FGF12: variants seen among roughly 807,000 people sequenced by gnomAD.
FGF12 encodes the protein fibroblast growth factor 12B.
FGF12 carries 14 observed loss-of-function variants against 23.6 expected under a neutral mutation model. The observed-to-expected ratio is 0.59, with a 90% CI of 0.39 to 0.93. FGF12 has a LOEUF of 0.93. FGF12 is among the 40% of genes least tolerant of loss of function. FGF12 has a pLI of 0.00. For synonymous variants in FGF12, 62 were observed against 77.3 expected (o/e 0.80, Z 1.04); for missense variants, 175 against 217.8 (o/e 0.80, Z 1.24).
chr3:192,364,083 T>G (rs150904236), intron 2 of FGF12, among the ~76,000 whole-genome samples: 2 of 152,064 alleles, frequency 1.3e-5, no homozygotes, highest in Non-Finnish European at 2.9e-5. Flanking sequence ...AAAGAATGAG[T>G]AGGATTGCCA....
At chr3:192,583,978 T>G (rs748449035) in intron 2 of FGF12, among the ~76,000 whole-genome samples, 1 of 152,176 alleles carries the variant, frequency 6.6e-6, no homozygotes, top group Non-Finnish European at 1.5e-5. Flanking sequence ...TAATCTTCTT[T>G]AGAAATACAT....
At chr3:192,184,145 G>A (rs1560183081) in intron 4 of FGF12, among the ~76,000 whole-genome samples, 1 of 152,088 alleles carries the variant, frequency 6.6e-6, no homozygotes, top group Non-Finnish European at 1.5e-5. Context: ...GATAGCTTGG[G>A]CCTGGGAGGC....
At chr3:192,273,975 C>G (rs762769236) in intron 4 of FGF12, among the ~76,000 whole-genome samples, 4 of 151,686 alleles carry the variant, frequency 2.6e-5, no homozygotes, top group Non-Finnish European at 4.4e-5. Context: ...TGACTGATCA[C>G]CATCAGCCAG....
At chr3:192,287,906 T>C (rs571766869) in intron 4 of FGF12, among the ~76,000 whole-genome samples, 1 of 152,164 alleles carries the variant, frequency 6.6e-6, no homozygotes, top group Non-Finnish European at 1.5e-5. Context: ...AGACAAAAGA[T>C]ACTTCTTTAA....
At chr3:192,195,776 A>G (rs1717037867) in intron 4 of FGF12, among the ~76,000 whole-genome samples, 1 of 152,186 alleles carries the variant, frequency 6.6e-6, no homozygotes, top group Non-Finnish European at 1.5e-5. Context: ...GTGTATACAC[A>G]CACACACGCA....
chr3:192,474,854 T>C (rs780112451), intron 2 of FGF12, among the ~76,000 whole-genome samples: 1 of 138,028 alleles, frequency 7.2e-6, no homozygotes, highest in Non-Finnish European at 1.5e-5. Context: ...CATTGTACTC[T>C]AGACTGGGAA....
intron 2 of FGF12, among the ~76,000 whole-genome samples, chr3:192,458,744 T>C (rs994097309): frequency 2.0e-5 from 3 of 152,284 alleles, no homozygotes; most frequent in African/African-American, 7.2e-5. Flanking sequence ...TGAGGGACTG[T>C]TGGGAAGGCA....
intron 2 of FGF12, among the ~76,000 whole-genome samples, chr3:192,506,587 G>T (rs1724307720): frequency 6.6e-6 from 1 of 152,132 alleles, no homozygotes; most frequent in Non-Finnish European, 1.5e-5. Flanking sequence ...GGCCAGGCTG[G>T]TCCTGAACTC....
At chr3:192,282,221 C>T (rs192983181) in intron 4 of FGF12, among the ~76,000 whole-genome samples, 4 of 152,210 alleles carry the variant, frequency 2.6e-5, no homozygotes, top group Admixed American at 1.3e-4. Flanking sequence ...TTGCCAATAT[C>T]TAGGTGAACA....
rs189329876 is a variant in FGF12, at chr3:192,449,181, C to T, written c.14-88643G>A. ...TACTTGGCAACAATGGCCTTGAACC[C>T]TTTAAGTCTCTGTTCTTTGCAGCAA... On this transcript the variant is annotated intron_variant, in intron 2 of 5. Transcript: ENST00000445105. Among the ~76,000 whole-genome samples, 28 of 152,290 alleles carry T rather than the reference C, an allele frequency of 1.8e-4. No homozygotes were observed. In the South Asian group the frequency reaches 5.2e-3, roughly 28 times the overall value.
Position 192,170,176 on chromosome 3 carries a change from C to T in FGF12, c.427+282G>A, listed in dbSNP as rs377437151. Among the ~76,000 whole-genome samples, 8 of 137,756 alleles carry T rather than the reference C, an allele frequency of 5.8e-5. No individual in the cohort carries two copies. The East Asian group carries it at 6.2e-4, about 11-fold the overall frequency. 90.4% of individuals were successfully genotyped at this position (137,756 alleles called of 152,430 possible). On this transcript the variant is annotated intron_variant, in intron 5 of 5. Transcript: ENST00000445105. Reference sequence around the variant, plus strand: ...AATAGGAAAAGATTCCCAGCTACTACGGAGGCTGAGGCAGGAGAATTGCTC... The same window carrying T: ...AATAGGAAAAGATTCCCAGCTACTATGGAGGCTGAGGCAGGAGAATTGCTC...
chr3:192,618,988 A>AAT (rs1391958512), intron 2 of FGF12, among the ~76,000 whole-genome samples: 1 of 151,690 alleles, frequency 6.6e-6, no homozygotes, highest in Admixed American at 6.6e-5. Flanking sequence ...GCCTATAAAA[A>AAT]ATATATATAT....
intron 2 of FGF12, among the ~76,000 whole-genome samples, chr3:192,496,757 G>A (rs1042395669): frequency 7.2e-5 from 11 of 152,130 alleles, no homozygotes; most frequent in South Asian, 2.1e-4. Flanking sequence ...CCCAGTCTGC[G>A]TATTGTGGAT....
intron 2 of FGF12, among the ~76,000 whole-genome samples, chr3:192,505,367 C>A (rs1488975327): frequency 6.6e-6 from 1 of 152,088 alleles, no homozygotes; most frequent in African/African-American, 2.4e-5. Flanking sequence ...GCTTGTAAAT[C>A]CTTTTGGAAA....
intron 4 of FGF12, among the ~76,000 whole-genome samples, chr3:192,214,304 G>A (rs958631242): frequency 6.6e-6 from 1 of 152,210 alleles, no homozygotes; most frequent in African/African-American, 2.4e-5. Flanking sequence ...TTTAATAAAT[G>A]AGAGAACCCA....
At chr3:192,602,533 G>A (rs1577074241) in intron 2 of FGF12, among the ~76,000 whole-genome samples, 1 of 152,076 alleles carries the variant, frequency 6.6e-6, no homozygotes, top group African/African-American at 2.4e-5. Flanking sequence ...TTGAATTAAC[G>A]CTGATAAGAA....
At chr3:192,355,256 T>G (rs1718417080) in intron 3 of FGF12, among the ~76,000 whole-genome samples, 1 of 152,166 alleles carries the variant, frequency 6.6e-6, no homozygotes, top group African/African-American at 2.4e-5. Flanking sequence ...TAATAGGAAA[T>G]TAAGTATTTA....
chr3:192,164,210 T>C (rs562615868), intron 5 of FGF12, among the ~76,000 whole-genome samples: 2 of 152,254 alleles, frequency 1.3e-5, no homozygotes, highest in South Asian at 4.1e-4. Context: ...CTAAAACACT[T>C]TACATCTGGG....
At chr3:192,488,254 C>T (rs1723696287) in intron 2 of FGF12, among the ~76,000 whole-genome samples, 1 of 152,052 alleles carries the variant, frequency 6.6e-6, no homozygotes, top group African/African-American at 2.4e-5. Flanking sequence ...CCAATAGATA[C>T]AATAATTATG....
Sources: allele counts gnomAD v4.1 joint callset (sites outside exome capture counted in the v4.1 genomes callset), GRCh38; gene constraint gnomAD v4.1.1; transcripts MANE v1.5; gene names NCBI Gene and HGNC (gene_info 2026-07-23, HGNC 2026-07-21).